Variants in MYO15A observed in about 807,000 individuals in gnomAD.
MYO15A encodes the protein unconventional myosin-XV.
In MYO15A, 308 loss-of-function variants were observed where a neutral mutation model predicts 394.6. The ratio of observed to expected loss-of-function variants is 0.78; its 90% CI spans 0.71 to 0.86. MYO15A has a LOEUF of 0.86. Among genes scored for constraint, MYO15A ranks in the 40% least tolerant of loss-of-function variants. The probability of loss-of-function intolerance (pLI) is 0.00; values close to 1 mark genes in which losing one functional copy is unlikely to be tolerated. For missense variants in MYO15A, 4,606 were observed against 4,799.1 expected, an observed-to-expected ratio of 0.96 and a Z score of 1.19; for synonymous variants, 1,957 against 2,003.8, an observed-to-expected ratio of 0.98 and a Z score of 0.62.
chr17:18,122,130 C>G lies in MYO15A; in HGVS notation c.3330C>G (p.Ala1110=). ...AGGGGGGTGAACGGCGCCAGGCAGCCCCTGGGCGTTTTGCTGTGGTCATGC... is the reference window on the plus strand; with the variant it reads ...AGGGGGGTGAACGGCGCCAGGCAGCGCCTGGGCGTTTTGCTGTGGTCATGC... ...LPKGGERRQA[A]PGRFAVVMPR... The change falls in exon 2 of 66, where the codon GCC becomes GCG. Residue 1110 remains alanine, a synonymous_variant. Transcript: ENST00000647165. 6.2e-7 allele frequency: 1 copy of G among 1,613,012 alleles called. No individual in the cohort carries two copies. Among genetic ancestry groups the G allele is most frequent in the South Asian group, 1.1e-5 (1 of 91,090 alleles).
chr17:18,121,591 G>A lies in MYO15A; in HGVS notation c.2791G>A (p.Val931Met), dbSNP rs201529563. ...GCCCCCACTGGCCCCCAGCTGGGAC[G>A]TGGACATGCCTCCCACCCAACGCCC... is the stretch of plus-strand genomic sequence containing the variant. ...TVPPLAPSWD[V>M]DMPPTQRPPS... Residue 931 changes from valine to methionine, a missense_variant, in exon 2 of 66, where the codon GTG (valine) becomes ATG (methionine). Coordinates refer to ENST00000647165, the MANE Select transcript of MYO15A (RefSeq NM_016239.4). This position sits in a 1 kb window ranked among gnomAD's most constrained non-coding sequence, Gnocchi z 5.3. 8.8e-6 allele frequency: 14 copies of A among 1,599,122 alleles called. No individual in the cohort carries two copies. The African/African-American group carries it at 9.4e-5, about 11-fold the overall frequency.
chr17:18,152,262 T>G, intron 42 of MYO15A, 78 bp downstream of exon 42: 1 of 1,389,228 alleles, frequency 7.2e-7, no homozygotes, highest in African/African-American at 1.4e-5. Context: ...AGTGTGTCGG[T>G]GGAGTGTGTG....
At chr17:18,175,506 T>C (rs946590258) in intron 65 of MYO15A, among the ~76,000 whole-genome samples, 10 of 151,860 alleles carry the variant, frequency 6.6e-5, no homozygotes, top group Non-Finnish European at 1.5e-4. Flanking sequence ...GGCCAGGTTG[T>C]TCTTGAACTC....
At chr17:18,140,148 C>T (rs917023890) in intron 19 of MYO15A, among the ~76,000 whole-genome samples, 1 of 152,224 alleles carries the variant, frequency 6.6e-6, no homozygotes, top group Non-Finnish European at 1.5e-5. Context: ...GGCCTGGTAA[C>T]ATCACCTCCC....
At chr17:18,161,989 G>A (rs897309425) in intron 57 of MYO15A, among the ~76,000 whole-genome samples, 2 of 152,166 alleles carry the variant, frequency 1.3e-5, no homozygotes. Context: ...GGCAGCCGTG[G>A]AGGAGATAGG....
rs780184233 is a variant in MYO15A, at chr17:18,158,631, A to C, written c.9076A>C (p.Arg3026=). The change falls in exon 52 of 66, where the codon AGA becomes CGA. Residue 3026 remains arginine (R), a synonymous_variant. Coordinates refer to ENST00000647165, the MANE Select transcript of MYO15A (RefSeq NM_016239.4). ...GAAGTATTTCCGAGACCCTCAGAGG[A>C]GACCCCAGTGAGTGGCGGCCCCACC... ...AQKYFRDPQR[R]PQDGLRLKSK... 4 of 1,614,088 alleles carry C rather than the reference A, an allele frequency of 2.5e-6. No individual in the cohort carries two copies. The highest frequency in any genetic ancestry group is 3.4e-6 in the Non-Finnish European group (4 of 1,179,968).
At chr17:18,118,264 TCTC>T (rs2045819663) in intron 1 of MYO15A, among the ~76,000 whole-genome samples, 1 of 152,058 alleles carries the variant, frequency 6.6e-6, no homozygotes, top group Non-Finnish European at 1.5e-5. Flanking sequence ...GGTTCAAAGT[TCTC>T]CTCCAAGATG....
In MYO15A at chr17:18,120,014, C is replaced by T. The variant is rs1415548073; in HGVS notation, c.1214C>T (p.Ser405Leu). The T allele has an allele frequency of 3.7e-6, 6 of 1,613,550 alleles. No homozygotes were observed. The highest frequency in any genetic ancestry group is 8.5e-7 in the Non-Finnish European group (1 of 1,180,018). ...PEVPYFYPEE[S>L]ASAFVYPWVP... ...GTGCCCTATTTTTACCCGGAGGAGT[C>T]GGCTTCGGCCTTTGTGTACCCCTGG... is the stretch of plus-strand genomic sequence containing the variant. Residue 405 changes from serine to leucine, a missense_variant, in exon 2 of 66, where the codon TCG becomes TTG. Ser to Leu is a moderately radical substitution (Grantham distance 145). This residue lies in a region of MYO15A where 1,830 missense variants were observed against 1,689.7 expected (regional missense o/e 1.08). Coordinates refer to ENST00000647165, the MANE Select transcript of MYO15A (RefSeq NM_016239.4).
At chr17:18,134,543 T>C (rs771402354) in intron 12 of MYO15A, among the ~76,000 whole-genome samples, 2 of 152,198 alleles carry the variant, frequency 1.3e-5, no homozygotes, top group Non-Finnish European at 2.9e-5. Flanking sequence ...ATCCAACTTT[T>C]TTCCCAGGTG....
chr17:18,137,108 G>A (rs1311477060), intron 15 of MYO15A, among the ~76,000 whole-genome samples: 2 of 152,224 alleles, frequency 1.3e-5, no homozygotes, highest in East Asian at 3.9e-4. Flanking sequence ...GTTGGGGGGT[G>A]ACTGTTTTGT....
At chr17:18,151,724 C>G in intron 40 of MYO15A, 122 bp from the exon 41 acceptor site, 2 of 1,188,360 alleles carry the variant, frequency 1.7e-6, no homozygotes, top group Non-Finnish European at 1.2e-6. Context: ...CTCTGCTTCT[C>G]CCTGGATTCT....
At position 18,148,913 on chromosome 17, in the gene MYO15A, G is replaced by T; in HGVS notation, c.6917G>T (p.Gly2306Val). 1 of 1,605,482 alleles carries T rather than the reference G, an allele frequency of 6.2e-7. No individual in the cohort carries two copies. Among genetic ancestry groups the T allele is most frequent in the Non-Finnish European group, 8.5e-7 (1 of 1,176,114 alleles). Residue 2306 changes from glycine to valine, a missense_variant, in exon 33 of 66, where the codon GGC becomes GTC. Gly to Val is a moderately radical substitution (Grantham distance 109). Coordinates refer to ENST00000647165, the MANE Select transcript of MYO15A (RefSeq NM_016239.4). This position sits in a 1 kb window ranked among gnomAD's most constrained non-coding sequence, Gnocchi z 4.8. ...FPRQKSYFIV[G>V]TEGPAASRGG... ...CGACAGAAGTCCTACTTCATTGTGG[G>T]CACAGAGGGGCCTGCAGCCAGCAGG...
intron 65 of MYO15A, chr17:18,176,888 C>T (rs1442720977): frequency 6.6e-6 from 1 of 152,224 alleles, no homozygotes; most frequent in African/African-American, 2.4e-5. Context: ...CAAACTGTAT[C>T]ATTCCCCCAT....
At chr17:18,164,234 C>G (rs1173277274) in intron 60 of MYO15A, 1 of 304,238 alleles carries the variant, frequency 3.3e-6, no homozygotes, top group African/African-American at 2.2e-5. Context: ...TTAATAATGG[C>G]CAGAGAAGCC....
chr17:18,128,378 C>T (rs1028155111), intron 7 of MYO15A, among the ~76,000 whole-genome samples: 9 of 152,130 alleles, frequency 5.9e-5, no homozygotes, highest in African/African-American at 1.9e-4. Context: ...AACCCTGGGG[C>T]CCACAAAGGT....
intron 65 of MYO15A, chr17:18,178,319 G>A (rs930671819): frequency 1.1e-5 from 3 of 278,376 alleles, no homozygotes; most frequent in African/African-American, 2.2e-5. Flanking sequence ...GCAGTGAGCC[G>A]AGATCGCGCC....
chr17:18,158,252 C>T, intron 51 of MYO15A: 2 of 587,990 alleles, frequency 3.4e-6, no homozygotes, highest in South Asian at 2.1e-5. Context: ...TAGCGAGGGG[C>T]GGGGTCAGCT....
At chr17:18,142,296 C>T in intron 24 of MYO15A, 42 bp downstream of exon 24, 1 of 1,594,508 alleles carries the variant, frequency 6.3e-7, no homozygotes, top group Non-Finnish European at 8.5e-7. Flanking sequence ...GACCTATGGT[C>T]AGGCTCGGGA....
chr17:18,139,728 C>A, intron 19 of MYO15A, 117 bp downstream of exon 19: 1 of 1,255,128 alleles, frequency 8.0e-7, no homozygotes, highest in South Asian at 1.3e-5. Context: ...TTAGCTTTGG[C>A]CAGACAAAGA....
Sources: allele counts gnomAD v4.1 joint callset (sites outside exome capture counted in the v4.1 genomes callset), GRCh38; gene constraint gnomAD v4.1.1; regional missense constraint gnomAD v4.1.1; non-coding constraint Gnocchi (gnomAD v3.1); transcripts MANE v1.5; gene names NCBI Gene and HGNC (gene_info 2026-07-23, HGNC 2026-07-21).